The following NETO1 variants were observed in gnomAD, a reference collection of about 807,000 sequenced individuals.
NETO1 encodes the protein neuropilin and tolloid-like protein 1.
In NETO1, 26 loss-of-function variants were observed where a neutral mutation model predicts 61.3. The ratio of observed to expected loss-of-function variants is 0.42; its 90% CI spans 0.31 to 0.59. NETO1 has a LOEUF of 0.59. Ranked by LOEUF, NETO1 falls within the 20% of genes least tolerant of loss-of-function variation. The pLI is 0.12. For synonymous variants in NETO1, 225 were observed against 225.8 expected (o/e 1.00, Z 0.03); for missense variants, 531 against 662.8 (o/e 0.80, Z 2.18).
intron 4 of NETO1, among the ~76,000 whole-genome samples, chr18:72,826,582 G>T (rs563135219): frequency 6.6e-6 from 1 of 151,170 alleles, no homozygotes; most frequent in East Asian, 1.9e-4. Flanking sequence ...GATTGATAAC[G>T]ATTTCTGTAT....
At chr18:72,811,992 A>G (rs2072882581) in intron 4 of NETO1, among the ~76,000 whole-genome samples, 1 of 152,170 alleles carries the variant, frequency 6.6e-6, no homozygotes, top group East Asian at 1.9e-4. Flanking sequence ...GCACACAAAT[A>G]TCATTAAGAG....
In NETO1 at chr18:72,802,568, T is replaced by C. The variant is rs552418414; in HGVS notation, c.470-8164A>G. 5.3e-5 allele frequency among the ~76,000 whole-genome samples: 8 copies of C among 152,372 alleles called. No homozygotes were observed. In the South Asian group the frequency reaches 1.2e-3, roughly 24 times the overall value. On this transcript the variant is annotated intron_variant, in intron 4 of 10. Transcript: ENST00000327305. ...GCCAATGATCAAGGATCATCTTTTA[T>C]GTGAATGCTTGACAACAAATGGAAG...
intron 4 of NETO1, among the ~76,000 whole-genome samples, chr18:72,827,871 G>C (rs2073435784): frequency 6.6e-6 from 1 of 152,214 alleles, no homozygotes; most frequent in Admixed American, 6.5e-5. Flanking sequence ...ACTCCAAAGG[G>C]AAGCTGGGCT....
At chr18:72,783,592 T>G in intron 7 of NETO1, 86 bp downstream of exon 7, 8 of 1,100,436 alleles carry the variant, frequency 7.3e-6, no homozygotes, top group Non-Finnish European at 9.6e-6. Context: ...GTGCTCACTG[T>G]GTGAAGAAAA....
chr18:72,850,911 C>G (rs1473307201), intron 4 of NETO1, among the ~76,000 whole-genome samples: 1 of 152,110 alleles, frequency 6.6e-6, no homozygotes, highest in Non-Finnish European at 1.5e-5. Flanking sequence ...GTAGATTAGC[C>G]AACAGTCCCA....
chr18:72,780,642 C>T (rs1252002701), intron 7 of NETO1, among the ~76,000 whole-genome samples: 1 of 152,118 alleles, frequency 6.6e-6, no homozygotes, highest in Non-Finnish European at 1.5e-5. Context: ...CCTTCATAGG[C>T]ATTCTTTCAA....
intron 6 of NETO1, among the ~76,000 whole-genome samples, chr18:72,793,404 C>T (rs1187458085): frequency 6.6e-6 from 1 of 152,100 alleles, no homozygotes. Context: ...GGAAGTGTTT[C>T]CAAAATGGGG....
At chr18:72,787,564 T>C (rs530835570) in intron 6 of NETO1, among the ~76,000 whole-genome samples, 1 of 152,344 alleles carries the variant, frequency 6.6e-6, no homozygotes, top group South Asian at 2.1e-4. Context: ...TACTAATTTA[T>C]TGTTAGGAAA....
intron 7 of NETO1, 77 bp from the exon 8 acceptor site, chr18:72,756,224 T>TAA (rs951276068): frequency 2.2e-5 from 13 of 603,576 alleles, no homozygotes; most frequent in Non-Finnish European, 3.2e-5. Flanking sequence ...ATTACAAATC[T>TAA]AAAAAAAAAA....
rs185140478 is a variant in NETO1 at position 72,830,052 on chromosome 18, C to T, written c.469+28774G>A. Among the ~76,000 whole-genome samples the T allele has an allele frequency of 2.2e-3, 332 of 152,306 alleles. 4 individuals are homozygous for T. Among genetic ancestry groups the T allele is most frequent in the Admixed American group, 7.1e-3 (108 of 15,300 alleles). On this transcript the variant is annotated intron_variant, in intron 4 of 10. Transcript: ENST00000327305. The surrounding 1 kb of genome is among the most constrained non-coding windows in gnomAD (Gnocchi z 4.9). ...CAAGATAAAGGGATTTGGGGTGGAT[C>T]ATAGTGTGTGTCTGTGAGATTGCCT...
chr18:72,857,019 G>A (rs1329039556), intron 4 of NETO1, among the ~76,000 whole-genome samples: 1 of 152,214 alleles, frequency 6.6e-6, no homozygotes, highest in African/African-American at 2.4e-5. Context: ...CTTTCTAGAA[G>A]AGGTGTAGAT....
In NETO1 at chr18:72,831,653, G is replaced by A. The variant is rs184764080; in HGVS notation, c.469+27173C>T. ...CTATGTCTCAAATGTGATAATTTTC[G>A]TATCTAAAATATTTTGGCAGTTTCA... On this transcript the variant is annotated intron_variant, in intron 4 of 10. Coordinates refer to ENST00000327305, the MANE Select transcript of NETO1 (RefSeq NM_138966.5). Among the ~76,000 whole-genome samples the A allele has an allele frequency of 9.3e-4, 141 of 152,152 alleles. 1 individual carries two copies. Among genetic ancestry groups the A allele is most frequent in the Middle Eastern group, 3.4e-3 (1 of 294 alleles).
Position 72,801,680 on chromosome 18 carries a change from A to G in NETO1, c.470-7276T>C, listed in dbSNP as rs953468801. ...TTCAAAATGTTTACTGAGGTTACACAGAAGCACAGCAAGAATTAAGTATGT... is the reference window on the plus strand; with the variant it reads ...TTCAAAATGTTTACTGAGGTTACACGGAAGCACAGCAAGAATTAAGTATGT... On this transcript the variant is annotated intron_variant, in intron 4 of 10. Transcript: ENST00000327305. Among the ~76,000 whole-genome samples the G allele has an allele frequency of 6.8e-4, 103 of 152,224 alleles. 2 individuals are homozygous for G. The highest frequency in any genetic ancestry group is 6.5e-3 in the Admixed American group (100 of 15,278).
chr18:72,858,504 A>G (rs900269206), intron 4 of NETO1, among the ~76,000 whole-genome samples: 1 of 152,180 alleles, frequency 6.6e-6, no homozygotes, highest in Admixed American at 6.5e-5. Flanking sequence ...AAGTTTATTC[A>G]GCTCCTATGT....
intron 4 of NETO1, among the ~76,000 whole-genome samples, chr18:72,797,149 T>C (rs947150496): frequency 6.6e-6 from 1 of 152,188 alleles, no homozygotes; most frequent in Non-Finnish European, 1.5e-5. Context: ...TTAATACTCA[T>C]TATCTCCTTC....
At chr18:72,806,228 T>C (rs2072670373) in intron 4 of NETO1, among the ~76,000 whole-genome samples, 2 of 152,318 alleles carry the variant, frequency 1.3e-5, no homozygotes, top group South Asian at 2.1e-4. Flanking sequence ...CCAATCACTT[T>C]ATTTTAGGTT....
intron 4 of NETO1, among the ~76,000 whole-genome samples, chr18:72,803,420 A>T (rs1051685384): frequency 3.3e-5 from 5 of 152,242 alleles, no homozygotes; most frequent in African/African-American, 4.8e-5. Context: ...AAAGAAATTC[A>T]TCAATACGGT....
At chr18:72,752,600 T>A (rs961282418) in intron 8 of NETO1, among the ~76,000 whole-genome samples, 1 of 151,170 alleles carries the variant, frequency 6.6e-6, no homozygotes, top group Admixed American at 6.6e-5. Context: ...CAAAACATTA[T>A]AATACATGTA....
intron 4 of NETO1, among the ~76,000 whole-genome samples, chr18:72,798,469 G>C (rs951455609): frequency 1.2e-4 from 19 of 152,168 alleles, no homozygotes; most frequent in Non-Finnish European, 2.4e-4. Context: ...TGAGTGGCAA[G>C]TGTCACAAGC....
Sources: allele counts gnomAD v4.1 joint callset (sites outside exome capture counted in the v4.1 genomes callset), GRCh38; gene constraint gnomAD v4.1.1; non-coding constraint Gnocchi (gnomAD v3.1); transcripts MANE v1.5; gene names NCBI Gene and HGNC (gene_info 2026-07-23, HGNC 2026-07-21).